The following IL1RAPL1 variants were observed in gnomAD, a reference collection of about 807,000 sequenced individuals.
IL1RAPL1 encodes the protein interleukin-1 receptor accessory protein-like 1.
A neutral mutation model predicts 48.4 loss-of-function variants in IL1RAPL1; 3 were observed. The ratio of observed to expected loss-of-function variants is 0.06; its 90% CI spans 0.03 to 0.16. The LOEUF (loss-of-function observed/expected upper bound fraction) is 0.16. IL1RAPL1 is among the 10% of genes least tolerant of loss of function. IL1RAPL1 has a pLI of 1.00. For synonymous variants in IL1RAPL1, 185 were observed against 187.7 expected, an observed-to-expected ratio of 0.99 and a Z score of 0.12; for missense variants, 349 against 530.6, an observed-to-expected ratio of 0.66 and a Z score of 3.36.
chrX:29,203,690 G>A (rs987264142), intron 2 of IL1RAPL1, among the ~76,000 whole-genome samples: 3 of 101,057 alleles, frequency 3.0e-5, no homozygotes, highest in African/African-American at 1.1e-4. Flanking sequence ...TTGCACTCCG[G>A]CCTGGGCAAC....
chrX:28,602,565 T>C (rs1425938118), intron 1 of IL1RAPL1, among the ~76,000 whole-genome samples: 1 of 112,259 alleles, frequency 8.9e-6, no homozygotes, highest in Non-Finnish European at 1.9e-5. Context: ...CTCATCTATA[T>C]GTGCAAGTTA....
At chrX:28,820,684 C>T (rs746316398) in intron 2 of IL1RAPL1, among the ~76,000 whole-genome samples, 12 of 111,199 alleles carry the variant, frequency 1.1e-4, no homozygotes, top group African/African-American at 3.9e-4. Flanking sequence ...GTCAGGGAAG[C>T]TAGCATTTGA....
intron 2 of IL1RAPL1, among the ~76,000 whole-genome samples, chrX:29,082,279 C>T (rs973698705): frequency 8.9e-6 from 1 of 112,124 alleles, no homozygotes; most frequent in African/African-American, 3.2e-5. Flanking sequence ...TAACCATTAG[C>T]TTTTGACTTT....
chrX:29,857,712 G>C (rs945536432), intron 6 of IL1RAPL1, among the ~76,000 whole-genome samples: 1 of 111,505 alleles, frequency 9.0e-6, no homozygotes, highest in African/African-American at 3.3e-5. Flanking sequence ...AATTTAATAT[G>C]AATTTTATTT....
At chrX:28,980,692 A>G (rs1925308836) in intron 2 of IL1RAPL1, among the ~76,000 whole-genome samples, 1 of 111,035 alleles carries the variant, frequency 9.0e-6, no homozygotes, top group Admixed American at 9.7e-5. Flanking sequence ...TCACCTGGCT[A>G]ATTTTTTTTT....
chrX:29,028,369 T>C (rs1380304191), intron 2 of IL1RAPL1, among the ~76,000 whole-genome samples: 2 of 99,953 alleles, frequency 2.0e-5, no homozygotes, highest in African/African-American at 7.4e-5. Flanking sequence ...CTCACAGCAA[T>C]CTCTGCCTCC....
chrX:29,382,405 T>C (rs1202056006), intron 3 of IL1RAPL1, among the ~76,000 whole-genome samples: 1 of 112,049 alleles, frequency 8.9e-6, no homozygotes, highest in Admixed American at 9.5e-5. Context: ...AGAAATGATC[T>C]TATAGTATTG....
chrX:29,605,747 G>A (rs901241697), intron 5 of IL1RAPL1, among the ~76,000 whole-genome samples: 3 of 112,195 alleles, frequency 2.7e-5, no homozygotes, highest in African/African-American at 9.7e-5. Flanking sequence ...ACTGAGAAGT[G>A]TATATTTTAC....
intron 2 of IL1RAPL1, among the ~76,000 whole-genome samples, chrX:29,162,634 TA>T (rs764843254): frequency 3.6e-5 from 4 of 111,326 alleles, no homozygotes; most frequent in South Asian, 7.4e-4. Flanking sequence ...TAAACAGCTG[TA>T]AATATTTTTC....
intron 2 of IL1RAPL1, among the ~76,000 whole-genome samples, chrX:28,827,130 GT>G (rs768456295): frequency 7.2e-5 from 8 of 110,603 alleles, no homozygotes; most frequent in Non-Finnish European, 1.5e-4. Flanking sequence ...TTTCTGAGAA[GT>G]TTTTTTTGAT....
intron 5 of IL1RAPL1, among the ~76,000 whole-genome samples, chrX:29,561,616 C>G (rs1310717971): frequency 9.0e-6 from 1 of 111,699 alleles, no homozygotes; most frequent in Non-Finnish European, 1.9e-5. Context: ...AATCGTGGGC[C>G]AAGAATGTCT....
chrX:29,605,118 ACACAC>A (rs1923849977), intron 5 of IL1RAPL1, among the ~76,000 whole-genome samples: 14 of 97,145 alleles, frequency 1.4e-4, no homozygotes, highest in African/African-American at 5.4e-4. Context: ...ACACACACAC[ACACAC>A]ACACGGAGGG....
chrX:28,652,001 G>A (rs979637034), intron 1 of IL1RAPL1, among the ~76,000 whole-genome samples: 2 of 111,826 alleles, frequency 1.8e-5, no homozygotes, highest in Non-Finnish European at 3.8e-5. Context: ...TAGCACATCA[G>A]CTGTCAAATG....
chrX:28,608,911 A>T (rs1470184314), intron 1 of IL1RAPL1, among the ~76,000 whole-genome samples: 1 of 112,499 alleles, frequency 8.9e-6, no homozygotes, highest in African/African-American at 3.2e-5. Context: ...GATATTTAGC[A>T]TGATGCAACT....
chrX:29,182,887 C>T (rs1930174867), intron 2 of IL1RAPL1, among the ~76,000 whole-genome samples: 1 of 110,956 alleles, frequency 9.0e-6, no homozygotes, highest in South Asian at 3.9e-4. Context: ...AAGAGGGAGG[C>T]AGGAGAGTTA....
At chrX:29,826,514 T>C (rs1432466905) in intron 6 of IL1RAPL1, among the ~76,000 whole-genome samples, 1 of 111,793 alleles carries the variant, frequency 8.9e-6, no homozygotes. Context: ...AAGGAAACCC[T>C]GTACCTATTT....
chrX:29,076,050 C>T (rs1263091708), intron 2 of IL1RAPL1, among the ~76,000 whole-genome samples: 3 of 111,512 alleles, frequency 2.7e-5, no homozygotes, highest in African/African-American at 9.7e-5. Flanking sequence ...ATAGTTTCTT[C>T]TCAAAAGTGC....
At chrX:29,764,929 A>G (rs1468572563) in intron 6 of IL1RAPL1, among the ~76,000 whole-genome samples, 1 of 112,169 alleles carries the variant, frequency 8.9e-6, no homozygotes, top group Non-Finnish European at 1.9e-5. Context: ...GAGATACTAA[A>G]CTAGGACAAG....
At chrX:29,450,274 G>GT (rs1420897204) in intron 5 of IL1RAPL1, among the ~76,000 whole-genome samples, 1 of 111,926 alleles carries the variant, frequency 8.9e-6, no homozygotes, top group Non-Finnish European at 1.9e-5. Flanking sequence ...TTTAAAAAGT[G>GT]TAACAAGTCT....
Sources: allele counts gnomAD v4.1 joint callset (sites outside exome capture counted in the v4.1 genomes callset), GRCh38; gene constraint gnomAD v4.1.1; transcripts MANE v1.5; gene names NCBI Gene and HGNC (gene_info 2026-07-23, HGNC 2026-07-21).